Variants in SLC4A4 observed in about 807,000 individuals in gnomAD.
SLC4A4 encodes electrogenic sodium bicarbonate cotransporter 1.
In SLC4A4, 27 loss-of-function variants were observed where a neutral mutation model predicts 111.5. That is an observed-to-expected ratio of 0.24 (90% confidence interval 0.18 to 0.33). The LOEUF (loss-of-function observed/expected upper bound fraction) is 0.33. SLC4A4 is among the 10% of genes least tolerant of loss of function. The probability of loss-of-function intolerance (pLI) is 1.00; values close to 1 mark genes in which losing one functional copy is unlikely to be tolerated. For synonymous variants in SLC4A4, 443 were observed against 463.4 expected, an observed-to-expected ratio of 0.96 and a Z score of 0.57; for missense variants, 909 against 1,315.5, an observed-to-expected ratio of 0.69 and a Z score of 4.78.
intron 3 of SLC4A4, 43 bp from the exon 4 acceptor site, chr4:71,339,327 G>T: frequency 1.2e-6 from 2 of 1,614,186 alleles, no homozygotes; most frequent in South Asian, 2.2e-5. Context: ...TTTCCTCAGG[G>T]TTGTCCAGCC....
chr4:71,140,511 T>G (rs979809127), intron 2 of SLC4A4, among the ~76,000 whole-genome samples: 1 of 152,192 alleles, frequency 6.6e-6, no homozygotes, highest in Non-Finnish European at 1.5e-5. Flanking sequence ...ACTCATATAT[T>G]TAATTGCCTT....
chr4:71,430,434 A>G (rs1256844606), intron 7 of SLC4A4, among the ~76,000 whole-genome samples: 12 of 152,076 alleles, frequency 7.9e-5, no homozygotes, highest in Admixed American at 7.9e-4. Context: ...ATTCCTAGGT[A>G]TACTAAAGTT....
chr4:71,381,910 A>C (rs143474927), intron 6 of SLC4A4, among the ~76,000 whole-genome samples: 2 of 152,288 alleles, frequency 1.3e-5, no homozygotes, highest in Non-Finnish European at 2.9e-5. Flanking sequence ...AAGTGCTTGT[A>C]GAGAGAGTGG....
At chr4:71,535,069 A>C (rs1734287618) in intron 18 of SLC4A4, among the ~76,000 whole-genome samples, 1 of 152,144 alleles carries the variant, frequency 6.6e-6, no homozygotes, top group African/African-American at 2.4e-5. Flanking sequence ...CCATTTGAAG[A>C]AGTGAGATAT....
chr4:71,093,443 C>T (rs1291920177), intron 2 of SLC4A4, among the ~76,000 whole-genome samples: 1 of 152,182 alleles, frequency 6.6e-6, no homozygotes, highest in Non-Finnish European at 1.5e-5. Flanking sequence ...GCGGGGATTA[C>T]AGGCGTGAGC....
intron 15 of SLC4A4, among the ~76,000 whole-genome samples, chr4:71,492,423 A>G (rs1006818996): frequency 6.6e-6 from 1 of 151,976 alleles, no homozygotes; most frequent in Non-Finnish European, 1.5e-5. Flanking sequence ...CTTGAAAAAG[A>G]TATCTCAAAA....
chr4:71,176,973 T>G (rs905246514), intron 2 of SLC4A4, among the ~76,000 whole-genome samples: 40 of 152,332 alleles, frequency 2.6e-4, no homozygotes, highest in African/African-American at 9.1e-4. Flanking sequence ...GACTAACAGC[T>G]GATCTCTTGG....
At chr4:71,473,055 G>C in intron 14 of SLC4A4, 85 bp downstream of exon 14, 2 of 1,411,464 alleles carry the variant, frequency 1.4e-6, no homozygotes, top group Non-Finnish European at 2.0e-6. Flanking sequence ...TCAACATGCT[G>C]TCATGGTCCT....
At chr4:71,538,333 G>T (rs1435807141) in intron 18 of SLC4A4, among the ~76,000 whole-genome samples, 5 of 151,996 alleles carry the variant, frequency 3.3e-5, no homozygotes, top group African/African-American at 4.8e-5. Flanking sequence ...GTTTATTAGG[G>T]TTTGCCTCTT....
At chr4:71,497,773 A>C in intron 16 of SLC4A4, 81 bp downstream of exon 16, 2 of 1,178,764 alleles carry the variant, frequency 1.7e-6, no homozygotes, top group Non-Finnish European at 2.5e-6. Context: ...TGAAAAAGGC[A>C]CCTGTAATTC....
intron 3 of SLC4A4, among the ~76,000 whole-genome samples, chr4:71,335,819 T>G (rs1264988446): frequency 1.3e-5 from 2 of 150,350 alleles, no homozygotes; most frequent in African/African-American, 4.9e-5. Flanking sequence ...TGTGAGACTC[T>G]GTCTCAAAAA....
At chr4:71,207,396 A>G (rs1177848977) in intron 1 of SLC4A4, among the ~76,000 whole-genome samples, 1 of 152,258 alleles carries the variant, frequency 6.6e-6, no homozygotes, top group African/African-American at 2.4e-5. Context: ...ATCTGTAAGC[A>G]TGTGTGAGGA....
chr4:71,388,647 A>G (rs1416228637), intron 6 of SLC4A4, among the ~76,000 whole-genome samples: 2 of 152,112 alleles, frequency 1.3e-5, no homozygotes, highest in Non-Finnish European at 2.9e-5. Context: ...GGGCCCAAGC[A>G]GTCCTCTCCC....
intron 3 of SLC4A4, among the ~76,000 whole-genome samples, chr4:71,302,354 A>G (rs1436417420): frequency 6.6e-6 from 1 of 152,194 alleles, no homozygotes; most frequent in Non-Finnish European, 1.5e-5. Flanking sequence ...TTATAAAATG[A>G]TATTTCTATA....
At chr4:71,182,397 T>C (rs1427050337), upstream of SLC4A4, among the ~76,000 whole-genome samples, 1 of 152,196 alleles carries the variant, frequency 6.6e-6, no homozygotes, top group Non-Finnish European at 1.5e-5. Context: ...ATCAACTGTT[T>C]TGTTACTTGC....
intron 16 of SLC4A4, among the ~76,000 whole-genome samples, chr4:71,525,259 G>C (rs969302844): frequency 6.6e-6 from 1 of 152,024 alleles, no homozygotes; most frequent in Non-Finnish European, 1.5e-5. Context: ...TAAGCTGCTG[G>C]CTTCTTATTA....
At chr4:71,147,938 A>C (rs1744224184) in intron 2 of SLC4A4, among the ~76,000 whole-genome samples, 1 of 152,170 alleles carries the variant, frequency 6.6e-6, no homozygotes, top group Non-Finnish European at 1.5e-5. Flanking sequence ...GGCTGGTTTC[A>C]AGAAAGTCCT....
chr4:71,177,562 G>C (rs917033959), intron 2 of SLC4A4, among the ~76,000 whole-genome samples: 80 of 152,174 alleles, frequency 5.3e-4, no homozygotes, highest in Non-Finnish European at 1.0e-3. Context: ...TAAACCAACA[G>C]AGATCAAAAG....
intron 7 of SLC4A4, among the ~76,000 whole-genome samples, chr4:71,432,088 G>GGCTGAGATAGTAGGAAGTCTTGT (rs1356246459): frequency 1.3e-5 from 2 of 152,080 alleles, no homozygotes; most frequent in Non-Finnish European, 2.9e-5. Context: ...CAAGGAATTG[G>GGCTGAGATAGTAGGAAGTCTTGT]GCTGAGATAG....
Sources: gnomAD v4.1 joint callset for allele counts (sites outside exome capture counted in the v4.1 genomes callset) on GRCh38, gnomAD v4.1.1 for gene constraint, MANE v1.5 for transcripts, NCBI Gene and HGNC (gene_info 2026-07-23, HGNC 2026-07-21) for gene names.